PNLIP: variants seen among roughly 807,000 people sequenced by gnomAD.
The protein encoded by PNLIP is pancreatic lipase.
Under a neutral mutation model 57.1 loss-of-function variants are expected in PNLIP, and 49 were observed. The observed-to-expected ratio is 0.86, with a 90% CI of 0.68 to 1.09. The LOEUF is 1.09. Among genes scored for constraint, PNLIP ranks in the 50% least tolerant of loss-of-function variants. PNLIP has a pLI of 0.00. For synonymous variants in PNLIP, 209 were observed against 200.4 expected (o/e 1.04, Z -0.36); for missense variants, 503 against 570.2 (o/e 0.88, Z 1.20).
intron 9 of PNLIP, among the ~76,000 whole-genome samples, chr10:116,557,364 T>C (rs1488708713): frequency 6.6e-6 from 1 of 152,168 alleles, no homozygotes; most frequent in Non-Finnish European, 1.5e-5. Flanking sequence ...TTGCACTCCC[T>C]TCTAAGCTTC....
At chr10:116,567,663 A>G (rs45604937) in intron 12 of PNLIP, 72 bp from the exon 13 acceptor site, 103,492 of 1,285,462 alleles carry the variant, frequency 0.081, 4,678 homozygotes, top group African/African-American at 0.14. Flanking sequence ...GGGGGCATAG[A>G]TTGTCCTCAC....
intron 10 of PNLIP, 86 bp from the exon 11 acceptor site, chr10:116,560,330 A>C (rs1847300768): frequency 1.5e-6 from 1 of 670,004 alleles, no homozygotes; most frequent in Admixed American, 2.5e-5. Flanking sequence ...AATTATTCAA[A>C]ACGTGGCAGT....
At chr10:116,565,322 G>T (rs1316960758) in intron 12 of PNLIP, among the ~76,000 whole-genome samples, 2 of 144,112 alleles carry the variant, frequency 1.4e-5, no homozygotes, top group East Asian at 4.1e-4. Flanking sequence ...ACAAATAGAA[G>T]ACAATAGACT....
rs758126965 is a variant in PNLIP, at chr10:116,551,242, C to T, written c.459+10C>T. The T allele has an allele frequency of 1.3e-5, 20 of 1,597,744 alleles. No homozygotes were observed. Among genetic ancestry groups the T allele is most frequent in the Non-Finnish European group, 1.4e-5 (16 of 1,171,752 alleles). On this transcript the variant is annotated intron_variant, in intron 5 of 12. Coordinates refer to ENST00000369221, the MANE Select transcript of PNLIP (RefSeq NM_000936.4). ...TGTTGAATTTCTTCAGGTAATTACT[C>T]CCGGATTGCATAAAAGCCTGTACAC... is the stretch of plus-strand genomic sequence containing the variant.
At chr10:116,552,445 T>A in intron 5 of PNLIP, among the ~76,000 whole-genome samples, 1 of 152,194 alleles carries the variant, frequency 6.6e-6, no homozygotes, top group South Asian at 2.1e-4. Flanking sequence ...GTTTGTGTCT[T>A]AGTTTTTAAC....
chr10:116,559,178 G>T lies in PNLIP; in HGVS notation c.955G>T (p.Gly319Ter). 6.2e-7 allele frequency: 1 copy of T among 1,612,694 alleles called. No homozygotes were observed. The highest frequency in any genetic ancestry group is 1.1e-5 in the South Asian group (1 of 90,454). The change falls in exon 10 of 13, where the codon GGA becomes TGA. Residue 319 changes from glycine to a stop codon, truncating the protein, a stop_gained. Coordinates refer to ENST00000369221, the MANE Select transcript of PNLIP (RefSeq NM_000936.4). LOFTEE classifies it high-confidence loss of function. ...TANKCFPCPS[G>*]GCPQMGHYAD... ...GAACAAGTGTTTCCCTTGTCCAAGTGGAGGCTGCCCACAGATGGGTCACTA... is the reference window on the plus strand; with the variant it reads ...GAACAAGTGTTTCCCTTGTCCAAGTTGAGGCTGCCCACAGATGGGTCACTA...
In PNLIP at chr10:116,551,117, GT is replaced by G; in HGVS notation, c.345del (p.Ser115ArgfsTer2). ...CACCAGAATCTGTTCAAGGTGGAAA[GT>G]GTGAACTGTATCTGTGTGGACTGGA... Reference protein sequence around the residue: ...NVCKNLFKVESVNCICVDWKG... With the variant: ...NVCKNLFKVEXVNCICVDWKG... On this transcript the variant is annotated frameshift_variant, in exon 5 of 13. Transcript: ENST00000369221. LOFTEE classifies it high-confidence loss of function. 6 of 1,607,828 alleles carry G rather than the reference GT, an allele frequency of 3.7e-6. No individual in the cohort carries two copies. The highest frequency in any genetic ancestry group is 5.1e-6 in the Non-Finnish European group (6 of 1,176,654).
intron 12 of PNLIP, among the ~76,000 whole-genome samples, chr10:116,562,568 T>C (rs1308677107): frequency 6.6e-6 from 1 of 152,050 alleles, no homozygotes; most frequent in African/African-American, 2.4e-5. Flanking sequence ...TCCAGGGAAG[T>C]AGATTTCACA....
intron 4 of PNLIP, 74 bp downstream of exon 4, chr10:116,548,556 G>A (rs1338678818): frequency 3.4e-6 from 5 of 1,475,630 alleles, no homozygotes; most frequent in South Asian, 2.5e-5. Context: ...CACTGGCCCC[G>A]ACCAATGAGG....
intron 9 of PNLIP, 44 bp downstream of exon 9, chr10:116,556,162 A>T: frequency 9.7e-7 from 1 of 1,035,456 alleles, no homozygotes; most frequent in Non-Finnish European, 1.5e-6. Context: ...TGTGACTGTC[A>T]CTTCTCATGA....
chr10:116,559,204 T>C lies in PNLIP; in HGVS notation c.981T>C (p.Tyr327=), dbSNP rs138102528. 125 of 1,613,944 alleles carry C rather than the reference T, an allele frequency of 7.7e-5. No homozygotes were observed. The highest frequency in any genetic ancestry group is 3.3e-4 in the East Asian group (15 of 44,888). ...PSGGCPQMGH[Y]ADRYPGKTND... ...GAGGCTGCCCACAGATGGGTCACTA[T>C]GCTGATAGATATCCTGGGAAAACAA... The change falls in exon 10 of 13, where the codon TAT becomes TAC. Residue 327 remains tyrosine (Y), a synonymous_variant. Coordinates refer to ENST00000369221, the MANE Select transcript of PNLIP (RefSeq NM_000936.4).
chr10:116,551,355 T>G (rs1295798491), intron 5 of PNLIP, 123 bp downstream of exon 5: 2 of 624,002 alleles, frequency 3.2e-6, no homozygotes, highest in African/African-American at 3.8e-5. Flanking sequence ...TCAGATATGA[T>G]GTTTCTCTTG....
At position 116,553,722 on chromosome 10, in the gene PNLIP, G is replaced by A. The variant is rs758264067; in HGVS notation, c.460-5G>A. ...AACATTCTGAAAAGGTTTTCTTTCC[G>A]ACAGTCGGCGTTCGGTTACTCACCT... On this transcript the variant is annotated splice_polypyrimidine_tract_variant and splice_region_variant and intron_variant, in intron 5 of 12. Coordinates refer to ENST00000369221, the MANE Select transcript of PNLIP (RefSeq NM_000936.4). 1.4e-5 allele frequency: 23 copies of A among 1,592,104 alleles called. No homozygotes were observed. The highest frequency in any genetic ancestry group is 4.5e-5 in the East Asian group (2 of 44,746).
At position 116,565,858 on chromosome 10, in the gene PNLIP, A is replaced by G. The variant is rs1208741064; in HGVS notation, c.1335-1877A>G. ...AGAGTCTTGCTCTGTCACCCAGGCT[A>G]GAGTGCAGTGGCACGATCTTGGCTC... On this transcript the variant is annotated intron_variant, in intron 12 of 12. Coordinates refer to ENST00000369221, the MANE Select transcript of PNLIP (RefSeq NM_000936.4). 4.0e-5 allele frequency among the ~76,000 whole-genome samples: 6 copies of G among 150,394 alleles called. No homozygotes were observed. The East Asian group carries it at 6.0e-4, about 15-fold the overall frequency.
At position 116,547,201 on chromosome 10, in the gene PNLIP, T is replaced by A. The variant is rs1460810067; in HGVS notation, c.47-93T>A. 8.3e-5 allele frequency: 102 copies of A among 1,222,344 alleles called. No individual in the cohort carries two copies. The East Asian group carries it at 2.3e-3, about 28-fold the overall frequency. 75.7% of individuals were successfully genotyped at this position (1,222,344 alleles called of 1,614,324 possible). ...TGTTGAGAGTAGCAGAGGAGGAAAG[T>A]CTACCACACAGTGTAATTGAACTCA... On this transcript the variant is annotated intron_variant, in intron 2 of 12. Transcript: ENST00000369221.
chr10:116,555,811 T>C (rs1025875691), intron 8 of PNLIP, among the ~76,000 whole-genome samples, 189 bp from the exon 9 acceptor site: 1 of 152,234 alleles, frequency 6.6e-6, no homozygotes, highest in Non-Finnish European at 1.5e-5. Flanking sequence ...TTACCTATTA[T>C]AATCTTAAAC....
intron 8 of PNLIP, 139 bp from the exon 9 acceptor site, chr10:116,555,861 C>A: frequency 1.5e-6 from 1 of 654,256 alleles, no homozygotes; most frequent in Non-Finnish European, 2.7e-6. Flanking sequence ...CATAAATATA[C>A]TTTACAAATG....
intron 4 of PNLIP, 69 bp downstream of exon 4, chr10:116,548,551 GC>G: frequency 6.5e-7 from 1 of 1,528,032 alleles, no homozygotes; most frequent in African/African-American, 1.4e-5. Flanking sequence ...TAAGGCACTG[GC>G]CCCGACCAAT....
chr10:116,566,649 T>C (rs1847370297), intron 12 of PNLIP, among the ~76,000 whole-genome samples: 2 of 152,290 alleles, frequency 1.3e-5, no homozygotes, highest in South Asian at 4.1e-4. Flanking sequence ...TTATGGATAA[T>C]TAATTAAGGT....
Sources: allele counts gnomAD v4.1 joint callset (sites outside exome capture counted in the v4.1 genomes callset), GRCh38; gene constraint gnomAD v4.1.1; transcripts MANE v1.5; gene names NCBI Gene and HGNC (gene_info 2026-07-23, HGNC 2026-07-21).